Variants in THRAP3 observed in about 807,000 individuals in gnomAD.
THRAP3 encodes thyroid hormone receptor-associated protein 3.
Under a neutral mutation model 101.0 loss-of-function variants are expected in THRAP3, and 16 were observed. That is an observed-to-expected ratio of 0.16 (90% CI 0.11 to 0.24). The LOEUF (loss-of-function observed/expected upper bound fraction) is 0.24. Ranked by LOEUF, THRAP3 falls within the 10% of genes least tolerant of loss-of-function variation. THRAP3 has a pLI of 1.00. For missense variants in THRAP3, 989 were observed against 1,202.7 expected (o/e 0.82, Z 2.63); for synonymous variants, 407 against 422.6 (o/e 0.96, Z 0.45).
At chr1:36,220,970 A>ATATATAT (rs1483311673), upstream of THRAP3, among the ~76,000 whole-genome samples, 9 of 128,404 alleles carry the variant, frequency 7.0e-5, no homozygotes, top group African/African-American at 2.6e-4. Context: ...AAAAAAAAAA[A>ATATATAT]AAATATATAT....
chr1:36,215,847 T>G, the THRAP3 span, among the ~76,000 whole-genome samples: 1 of 151,960 alleles, frequency 6.6e-6, no homozygotes, highest in African/African-American at 2.4e-5. Context: ...CCTCCCGGGT[T>G]CAAGTGATTC....
chr1:36,247,065 T>C (rs1645239976), intron 1 of THRAP3, among the ~76,000 whole-genome samples: 2 of 151,920 alleles, frequency 1.3e-5, no homozygotes, highest in Non-Finnish European at 2.9e-5. Context: ...ACGCCTGTAA[T>C]CCCAGCACTT....
At chr1:36,292,508 G>C (rs1019705978) in intron 6 of THRAP3, 90 bp from the exon 7 acceptor site, 2 of 878,840 alleles carry the variant, frequency 2.3e-6, no homozygotes, top group African/African-American at 3.4e-5. Context: ...TTGACCTCGT[G>C]ATCTGCCCAC....
chr1:36,246,165 G>A (rs1184598622), intron 1 of THRAP3, among the ~76,000 whole-genome samples: 1 of 152,112 alleles, frequency 6.6e-6, no homozygotes, highest in African/African-American at 2.4e-5. Flanking sequence ...TTTTTTCATG[G>A]AACTCCAAGG....
chr1:36,258,194 C>A (rs1161267995), intron 1 of THRAP3, among the ~76,000 whole-genome samples: 3 of 152,174 alleles, frequency 2.0e-5, no homozygotes, highest in African/African-American at 7.2e-5. Flanking sequence ...AGTTTGCAGT[C>A]CTGTAGCAGA....
rs367862652 is a variant in THRAP3, at chr1:36,303,866, G to A, written c.2717G>A (p.Arg906Gln). ...GGCCGGGGCCGAGGAGCCTTTCCTC[G>A]GGGTCGGGGCCGGTTCATGTTCCGG... is the stretch of plus-strand genomic sequence containing the variant. ...SRGRGRGAFP[R>Q]GRGRFMFRKS... Residue 906 changes from arginine to glutamine, a missense_variant, in exon 12 of 12, where the codon CGG becomes CAG. Coordinates refer to ENST00000354618, the MANE Select transcript of THRAP3 (RefSeq NM_005119.4). 3.1e-6 allele frequency: 5 copies of A among 1,614,116 alleles called. No homozygotes were observed. Among genetic ancestry groups the A allele is most frequent in the Admixed American group, 1.7e-5 (1 of 59,998 alleles).
chr1:36,255,772 CAA>C (rs113469683), intron 1 of THRAP3, among the ~76,000 whole-genome samples: 7 of 132,296 alleles, frequency 5.3e-5, no homozygotes, highest in African/African-American at 8.4e-5. Flanking sequence ...GACTCTGTCT[CAA>C]AAAAAAAAAA....
chr1:36,268,756 C>G (rs1026272240), intron 2 of THRAP3, among the ~76,000 whole-genome samples: 5 of 150,296 alleles, frequency 3.3e-5, no homozygotes, highest in Non-Finnish European at 5.9e-5. Context: ...GAGTCTCGCT[C>G]TATCTGTCAC....
At chr1:36,273,237 T>C (rs1464558503) in intron 2 of THRAP3, among the ~76,000 whole-genome samples, 1 of 152,238 alleles carries the variant, frequency 6.6e-6, no homozygotes, top group Non-Finnish European at 1.5e-5. Flanking sequence ...GCATGCTGTC[T>C]TCTCAGCAGA....
At chr1:36,271,841 G>T (rs1311302387) in intron 2 of THRAP3, among the ~76,000 whole-genome samples, 1 of 151,120 alleles carries the variant, frequency 6.6e-6, no homozygotes, top group African/African-American at 2.4e-5. Context: ...TGATCAGCCC[G>T]CCTCGGCCTC....
chr1:36,255,848 G>A lies in THRAP3; in HGVS notation c.-134-3534G>A, dbSNP rs185337770. ...GATAAGGAAAAAAAAATTCAGTCTT[G>A]TGTACCATAGGAGATACAAATGGTA... On this transcript the variant is annotated intron_variant, in intron 1 of 11. Transcript: ENST00000354618. Among the ~76,000 whole-genome samples the A allele has an allele frequency of 2.6e-5, 4 of 151,866 alleles. No individual in the cohort carries two copies. In the East Asian group the frequency reaches 7.7e-4, roughly 29 times the overall value.
At chr1:36,260,047 G>T (rs1250165400) in intron 2 of THRAP3, among the ~76,000 whole-genome samples, 1 of 151,872 alleles carries the variant, frequency 6.6e-6, no homozygotes, top group Non-Finnish European at 1.5e-5. Flanking sequence ...TTCGAGACCA[G>T]CCTGGCCAAC....
rs1557447304 is a variant in THRAP3, at chr1:36,286,648, A to C, written c.418A>C (p.Arg140=). Residue 140 remains arginine, a synonymous_variant, in exon 4 of 12, where the codon AGG becomes CGG. Coordinates refer to ENST00000354618, the MANE Select transcript of THRAP3 (RefSeq NM_005119.4). The surrounding 1 kb of genome is among the most constrained non-coding windows in gnomAD (Gnocchi z 5.5). ...PKRRSPSPRS[R]SHSRNSDKSS... ...GAGAAGGTCCCCTTCACCAAGGTCC[A>C]GGAGCCATTCTAGAAACTCTGATAA... 1.4e-5 allele frequency: 23 copies of C among 1,614,202 alleles called. No individual in the cohort carries two copies. The highest frequency in any genetic ancestry group is 1.9e-5 in the Non-Finnish European group (23 of 1,180,036).
intron 10 of THRAP3, 41 bp from the exon 11 acceptor site, chr1:36,301,512 G>T: frequency 6.2e-7 from 1 of 1,602,200 alleles, no homozygotes; most frequent in Non-Finnish European, 8.5e-7. Flanking sequence ...CCCCATTCCT[G>T]GCATGATCCT....
chr1:36,295,592 CCTCCCTCCCTTCCTT>C (rs1217621212), intron 8 of THRAP3, among the ~76,000 whole-genome samples: 2 of 151,874 alleles, frequency 1.3e-5, no homozygotes, highest in African/African-American at 4.8e-5. Flanking sequence ...TCCCTTCCTT[CCTCCCTCCCTTCCTT>C]CTTCCCTCCC....
At chr1:36,265,359 C>G (rs1645499933) in intron 2 of THRAP3, among the ~76,000 whole-genome samples, 1 of 151,994 alleles carries the variant, frequency 6.6e-6, no homozygotes, top group Admixed American at 6.6e-5. Context: ...CCTTTTTACA[C>G]TGTTAACCAA....
intron 9 of THRAP3, 106 bp from the exon 10 acceptor site, chr1:36,300,779 TC>T: frequency 8.9e-7 from 1 of 1,122,712 alleles, no homozygotes; most frequent in South Asian, 1.4e-5. Flanking sequence ...ATCAGTTTCT[TC>T]CATCACAGGC....
At chr1:36,254,389 A>G (rs956533607) in intron 1 of THRAP3, among the ~76,000 whole-genome samples, 3 of 152,222 alleles carry the variant, frequency 2.0e-5, no homozygotes, top group African/African-American at 7.2e-5. Flanking sequence ...ATCAAATTCA[A>G]TAACAAAATG....
chr1:36,298,949 C>CTTGT (rs1645995199), intron 9 of THRAP3, among the ~76,000 whole-genome samples: 1 of 152,178 alleles, frequency 6.6e-6, no homozygotes, highest in East Asian at 1.9e-4. Context: ...TGTACACCAT[C>CTTGT]ATGCCTGGCT....
Sources: allele counts gnomAD v4.1 joint callset (sites outside exome capture counted in the v4.1 genomes callset), GRCh38; gene constraint gnomAD v4.1.1; non-coding constraint Gnocchi (gnomAD v3.1); transcripts MANE v1.5; gene names NCBI Gene and HGNC (gene_info 2026-07-23, HGNC 2026-07-21).